DLGAP2: variants seen among roughly 807,000 people sequenced by gnomAD.
The protein encoded by DLGAP2 is disks large-associated protein 2.
DLGAP2 carries 26 observed loss-of-function variants against 100.3 expected under a neutral mutation model. The ratio of observed to expected loss-of-function variants is 0.26; its 90% CI spans 0.19 to 0.36. The LOEUF (loss-of-function observed/expected upper bound fraction) is 0.36. Ranked by LOEUF, DLGAP2 falls within the 10% of genes least tolerant of loss-of-function variation. The pLI, the probability that DLGAP2 is intolerant of heterozygous loss-of-function variation, is 1.00. For missense variants in DLGAP2, 1,858 were observed against 1,453.2 expected (o/e 1.28, Z -4.53); for synonymous variants, 886 against 630.1 (o/e 1.41, Z -6.08).
intron 12 of DLGAP2, among the ~76,000 whole-genome samples, chr8:1,679,719 C>T (rs78518909): frequency 6.6e-6 from 1 of 152,158 alleles, no homozygotes; most frequent in Non-Finnish European, 1.5e-5. Flanking sequence ...CGGTGGCTCA[C>T]GCCTGTAATT....
intron 2 of DLGAP2, among the ~76,000 whole-genome samples, chr8:948,254 G>T (rs1799382371): frequency 6.6e-6 from 1 of 152,242 alleles, no homozygotes. Context: ...ACGGCCCTGT[G>T]TGGAGGACCC....
chr8:1,000,896 A>T (rs1563137194), intron 2 of DLGAP2, among the ~76,000 whole-genome samples: 1 of 151,796 alleles, frequency 6.6e-6, no homozygotes, highest in South Asian at 2.1e-4. Context: ...TCGGGTGCTG[A>T]TTCTTGGTTC....
intron 8 of DLGAP2, among the ~76,000 whole-genome samples, chr8:1,647,363 C>G (rs555103021): frequency 2.0e-5 from 3 of 151,510 alleles, no homozygotes; most frequent in Non-Finnish European, 2.9e-5. Context: ...GTGGTGGGTG[C>G]CTGTAGTCCC....
intron 2 of DLGAP2, among the ~76,000 whole-genome samples, chr8:956,338 G>T (rs6991924): frequency 0.43 from 65,222 of 151,994 alleles, 14,387 homozygotes; most frequent in Admixed American, 0.53. Flanking sequence ...AAACACAGTG[G>T]GCCCCAGAAA....
chr8:1,485,107 C>T (rs1031347832), intron 3 of DLGAP2, among the ~76,000 whole-genome samples: 7 of 152,234 alleles, frequency 4.6e-5, no homozygotes, highest in African/African-American at 1.7e-4. Context: ...TATGCCTTGA[C>T]AGGAAGTTTC....
intron 3 of DLGAP2, among the ~76,000 whole-genome samples, chr8:1,263,948 A>G (rs1180000842): frequency 6.6e-6 from 1 of 152,086 alleles, no homozygotes; most frequent in Non-Finnish European, 1.5e-5. Context: ...AGGAAAACAG[A>G]CTCAGCTCTA....
At chr8:1,102,611 T>G (rs947685176) in intron 2 of DLGAP2, among the ~76,000 whole-genome samples, 4 of 152,176 alleles carry the variant, frequency 2.6e-5, no homozygotes, top group African/African-American at 9.7e-5. Context: ...TCTGATAATA[T>G]TTCAGGAAAT....
At chr8:1,577,919 G>A (rs146707673) in intron 6 of DLGAP2, among the ~76,000 whole-genome samples, 1 of 152,260 alleles carries the variant, frequency 6.6e-6, no homozygotes, top group Non-Finnish European at 1.5e-5. Context: ...CAGCGCGAGT[G>A]CTCATAGCTG....
intron 3 of DLGAP2, among the ~76,000 whole-genome samples, chr8:1,289,754 C>T (rs1800018715): frequency 6.6e-6 from 1 of 152,178 alleles, no homozygotes; most frequent in South Asian, 2.1e-4. Context: ...GCCCGGCCTC[C>T]CCCGCGAATG....
intron 3 of DLGAP2, among the ~76,000 whole-genome samples, chr8:1,435,575 C>T (rs1460085552): frequency 6.6e-6 from 1 of 152,068 alleles, no homozygotes; most frequent in Non-Finnish European, 1.5e-5. Context: ...GACAGACGAC[C>T]ATGTTGCTGG....
intron 3 of DLGAP2, among the ~76,000 whole-genome samples, chr8:1,443,840 A>C (rs1422205252): frequency 6.6e-6 from 1 of 152,198 alleles, no homozygotes; most frequent in Non-Finnish European, 1.5e-5. Context: ...GGGCAGGGAC[A>C]CAGCCAAACC....
chr8:1,438,499 T>G (rs1338045585), intron 3 of DLGAP2, among the ~76,000 whole-genome samples: 3 of 152,156 alleles, frequency 2.0e-5, no homozygotes, highest in African/African-American at 7.2e-5. Flanking sequence ...AAAACCACCA[T>G]ACGTATGTAA....
chr8:1,542,954 A>G (rs1801412129), intron 4 of DLGAP2, among the ~76,000 whole-genome samples: 1 of 152,008 alleles, frequency 6.6e-6, no homozygotes, highest in Non-Finnish European at 1.5e-5. Context: ...TCATTTCCCT[A>G]CTGGTGAGTG....
At chr8:961,398 G>A (rs1160664661) in intron 2 of DLGAP2, among the ~76,000 whole-genome samples, 2 of 152,306 alleles carry the variant, frequency 1.3e-5, no homozygotes, top group Non-Finnish European at 2.9e-5. Context: ...CTGTAACAGA[G>A]GGTGTATGCT....
At chr8:1,047,054 C>T (rs1230636883) in intron 2 of DLGAP2, among the ~76,000 whole-genome samples, 1 of 152,052 alleles carries the variant, frequency 6.6e-6, no homozygotes, top group Non-Finnish European at 1.5e-5. Context: ...TTAATATATT[C>T]ACAGAGTTGT....
chr8:828,188 C>T (rs926100738), intron 1 of DLGAP2, among the ~76,000 whole-genome samples: 2 of 152,198 alleles, frequency 1.3e-5, no homozygotes, highest in Non-Finnish European at 2.9e-5. Flanking sequence ...TATCAGGAGA[C>T]AGGGTTTTGA....
At chr8:742,216 C>T (rs1189469431) in intron 1 of DLGAP2, among the ~76,000 whole-genome samples, 1 of 152,110 alleles carries the variant, frequency 6.6e-6, no homozygotes, top group African/African-American at 2.4e-5. Flanking sequence ...GGTACTGTTT[C>T]TTATATGGTA....
At chr8:1,047,211 G>A (rs752338522) in intron 2 of DLGAP2, among the ~76,000 whole-genome samples, 6 of 152,156 alleles carry the variant, frequency 3.9e-5, no homozygotes, top group Admixed American at 2.6e-4. Context: ...CCTGCTTTCA[G>A]CATTTCATAT....
At chr8:1,090,646 G>A (rs1357374517) in intron 2 of DLGAP2, among the ~76,000 whole-genome samples, 2 of 152,246 alleles carry the variant, frequency 1.3e-5, no homozygotes, top group Non-Finnish European at 2.9e-5. Context: ...GCCCTGAGGG[G>A]CCTCCAGAGG....
Sources: allele counts gnomAD v4.1 joint callset (sites outside exome capture counted in the v4.1 genomes callset), GRCh38; gene constraint gnomAD v4.1.1; transcripts MANE v1.5; gene names NCBI Gene and HGNC (gene_info 2026-07-23, HGNC 2026-07-21).